Variants in TUSC3 observed in about 807,000 individuals in gnomAD.
TUSC3 encodes the protein tumor suppressor candidate 3, also known as dolichyl-diphosphooligosaccharide--protein glycosyltransferase subunit TUSC3.
Under a neutral mutation model 44.8 loss-of-function variants are expected in TUSC3, and 45 were observed. The observed-to-expected ratio is 1.00, with a 90% confidence interval of 0.79 to 1.29. TUSC3 has a LOEUF of 1.29. Ranked by LOEUF, TUSC3 falls within the 50% of genes most tolerant of loss-of-function variation. TUSC3 has a pLI of 0.00. For missense variants in TUSC3, 519 were observed against 437.9 expected, an observed-to-expected ratio of 1.19 and a Z score of -1.65; for synonymous variants, 212 against 152.9, an observed-to-expected ratio of 1.39 and a Z score of -2.85.
chr8:15,517,299 C>G (rs935929467), intron 2 of TUSC3, among the ~76,000 whole-genome samples: 16 of 152,048 alleles, frequency 1.1e-4, no homozygotes, highest in African/African-American at 3.9e-4. Context: ...AATGAAAACT[C>G]AAGTCTCGTT....
chr8:15,493,964 C>T (rs555123509), intron 2 of TUSC3, among the ~76,000 whole-genome samples: 1 of 152,258 alleles, frequency 6.6e-6, no homozygotes, highest in East Asian at 1.9e-4. Context: ...GTACAGTTTG[C>T]CCTTTGATTT....
chr8:15,596,059 C>G (rs1430643566), intron 1 of TUSC3, among the ~76,000 whole-genome samples: 1 of 152,116 alleles, frequency 6.6e-6, no homozygotes, highest in African/African-American at 2.4e-5. Flanking sequence ...TGAAAGTTTT[C>G]TAGTCTCTCA....
chr8:15,758,796 G>C (rs1812045196), intron 10 of TUSC3, among the ~76,000 whole-genome samples: 1 of 152,072 alleles, frequency 6.6e-6, no homozygotes, highest in South Asian at 2.1e-4. Flanking sequence ...CCTCTCTGTG[G>C]AGGCTGTGTA....
At chr8:15,840,075 T>TCCC in the TUSC3 span, among the ~76,000 whole-genome samples, 6 of 152,092 alleles carry the variant, frequency 3.9e-5, no homozygotes, top group African/African-American at 1.4e-4. Context: ...ATGTCCTTTG[T>TCCC]AGGGACATGG....
At chr8:15,585,745 C>T (rs1294090156) in intron 1 of TUSC3, among the ~76,000 whole-genome samples, 2 of 152,136 alleles carry the variant, frequency 1.3e-5, no homozygotes, top group Non-Finnish European at 2.9e-5. Context: ...ACCTGTTCGA[C>T]TGTCGGAATG....
intron 1 of TUSC3, among the ~76,000 whole-genome samples, chr8:15,447,732 G>C (rs1052556368): frequency 6.7e-6 from 1 of 149,484 alleles, no homozygotes; most frequent in South Asian, 2.1e-4. Context: ...TTCTTATTTA[G>C]GGAAGGTTAC....
At chr8:15,574,640 T>G (rs1456307876) in intron 1 of TUSC3, among the ~76,000 whole-genome samples, 2 of 152,178 alleles carry the variant, frequency 1.3e-5, no homozygotes, top group Non-Finnish European at 2.9e-5. Flanking sequence ...CTCACAAAGC[T>G]TACTTTTAGG....
At chr8:15,657,044 T>C (rs1178323255) in intron 3 of TUSC3, among the ~76,000 whole-genome samples, 2 of 152,150 alleles carry the variant, frequency 1.3e-5, no homozygotes, top group Non-Finnish European at 2.9e-5. Context: ...TGACGTCCCA[T>C]AGATACCCCA....
At position 15,571,676 on chromosome 8, in the gene TUSC3, G is replaced by C. The variant is rs112017813; in HGVS notation, c.138+31108G>C. Among the ~76,000 whole-genome samples, 615 of 152,180 alleles carry C rather than the reference G, an allele frequency of 4.0e-3. 4 individuals carry two copies. Among genetic ancestry groups the C allele is most frequent in the African/African-American group, 0.013 (547 of 41,526 alleles). The stretch of plus-strand genomic sequence containing the variant: ...TTGATTCCCTCTTTATTTCATGAAA[G>C]ATTCCTCTGTTGCATGGAATGCTGT... On this transcript the variant is annotated intron_variant, in intron 1 of 10. Coordinates refer to ENST00000503731, the MANE Select transcript of TUSC3 (RefSeq NM_006765.4).
intron 9 of TUSC3, among the ~76,000 whole-genome samples, chr8:15,753,258 A>C (rs532006166): frequency 1.1e-4 from 17 of 152,064 alleles, no homozygotes; most frequent in Non-Finnish European, 2.4e-4. Flanking sequence ...TTCCCAGATC[A>C]CATTAAAGCC....
chr8:15,783,025 A>T, the TUSC3 span, among the ~76,000 whole-genome samples: 1 of 152,238 alleles, frequency 6.6e-6, no homozygotes, highest in Non-Finnish European at 1.5e-5. Flanking sequence ...TGTAGGATAT[A>T]TATCAATATA....
chr8:15,422,202 TAATC>T (rs1799746348), intron 1 of TUSC3, among the ~76,000 whole-genome samples: 1 of 152,258 alleles, frequency 6.6e-6, no homozygotes. Context: ...CTGACTAAAT[TAATC>T]TCATGTTACT....
At chr8:15,470,730 G>C (rs1036991578) in intron 1 of TUSC3, among the ~76,000 whole-genome samples, 1 of 152,166 alleles carries the variant, frequency 6.6e-6, no homozygotes, top group African/African-American at 2.4e-5. Flanking sequence ...TCTCAGTGGA[G>C]TTGGCATTTT....
chr8:15,757,065 G>C (rs1175188117), intron 9 of TUSC3, among the ~76,000 whole-genome samples: 1 of 152,148 alleles, frequency 6.6e-6, no homozygotes, highest in Non-Finnish European at 1.5e-5. Context: ...GAGCCCAGGA[G>C]TTTGAGGCTG....
intron 1 of TUSC3, among the ~76,000 whole-genome samples, chr8:15,480,580 A>G (rs1353318): frequency 0.13 from 19,610 of 152,202 alleles, 1,725 homozygotes; most frequent in East Asian, 0.34. Context: ...TATTGTAAAA[A>G]TTATATAGCC....
intron 1 of TUSC3, among the ~76,000 whole-genome samples, chr8:15,447,573 A>G (rs1301085559): frequency 6.6e-6 from 1 of 152,198 alleles, no homozygotes; most frequent in Non-Finnish European, 1.5e-5. Flanking sequence ...AAAAATGTAC[A>G]AATTCATGTT....
At chr8:15,622,148 C>G (rs904615416) in intron 1 of TUSC3, among the ~76,000 whole-genome samples, 5 of 152,136 alleles carry the variant, frequency 3.3e-5, no homozygotes, top group African/African-American at 1.2e-4. Flanking sequence ...TTTCAAGCCT[C>G]CCTCTCCTGA....
intron 1 of TUSC3, among the ~76,000 whole-genome samples, chr8:15,418,315 C>G (rs114260479): frequency 0.019 from 2,818 of 152,198 alleles, 88 homozygotes; most frequent in African/African-American, 0.065. Flanking sequence ...ACAAAAGGTC[C>G]TTTTTAAAAT....
At chr8:15,505,598 A>C (rs536302519) in intron 2 of TUSC3, among the ~76,000 whole-genome samples, 1 of 152,194 alleles carries the variant, frequency 6.6e-6, no homozygotes, top group Non-Finnish European at 1.5e-5. Context: ...TGTCCTAAGA[A>C]TCACCAACTG....
Sources: gnomAD v4.1 joint callset for allele counts (sites outside exome capture counted in the v4.1 genomes callset) on GRCh38, gnomAD v4.1.1 for gene constraint, MANE v1.5 for transcripts, NCBI Gene and HGNC (gene_info 2026-07-23, HGNC 2026-07-21) for gene names.